The following MPPED2 variants were observed in gnomAD, a reference collection of about 807,000 sequenced individuals.
The protein encoded by MPPED2 is metallophosphoesterase domain containing 2.
MPPED2 carries 5 observed loss-of-function variants against 33.0 expected under a neutral mutation model. That is an observed-to-expected ratio of 0.15 (90% confidence interval 0.08 to 0.32). The LOEUF (loss-of-function observed/expected upper bound fraction) is 0.32, where lower values mean the gene tolerates loss of function less well. Among genes scored for constraint, MPPED2 ranks in the 10% least tolerant of loss-of-function variants. MPPED2 has a pLI of 1.00. For missense variants in MPPED2, 275 were observed against 372.1 expected, an observed-to-expected ratio of 0.74 and a Z score of 2.15; for synonymous variants, 136 against 141.9, an observed-to-expected ratio of 0.96 and a Z score of 0.29.
At chr11:30,549,495 A>C (rs1955596729) in intron 2 of MPPED2, among the ~76,000 whole-genome samples, 1 of 152,180 alleles carries the variant, frequency 6.6e-6, no homozygotes, top group South Asian at 2.1e-4. Context: ...TAAAAGGCCC[A>C]CTATCTATAC....
intron 6 of MPPED2, among the ~76,000 whole-genome samples, chr11:30,413,239 T>C (rs562721947): frequency 6.6e-6 from 1 of 152,382 alleles, no homozygotes; most frequent in African/African-American, 2.4e-5. Flanking sequence ...CTTTGTTTTT[T>C]GCTTCCTCAG....
At chr11:30,563,881 C>T (rs1421378704) in intron 2 of MPPED2, among the ~76,000 whole-genome samples, 3 of 152,116 alleles carry the variant, frequency 2.0e-5, no homozygotes, top group Admixed American at 6.5e-5. Context: ...CTTATAGGAG[C>T]GAATGTACAT....
Position 30,388,769 on chromosome 11 carries a change from A to G in MPPED2, c.*120T>C, listed in dbSNP as rs1947733427. 4 of 1,280,032 alleles carry G rather than the reference A, an allele frequency of 3.1e-6. No homozygotes were observed. In the Admixed American group the frequency reaches 1.2e-4, roughly 40 times the overall value. The allele number at this position is 1,280,032 out of a possible 1,614,324, so 79.3% of individuals were successfully genotyped here. ...TGCCTTCTTTGTCTTCACCAAGGAG[A>G]GGCATCTTCCTTCCTTCCTGTGTGC... On this transcript the variant is annotated 3_prime_UTR_variant, in exon 7 of 7. Transcript: ENST00000448418.
intron 1 of MPPED2, chr11:30,584,376 A>ACACACACACACACCCC (rs1309532203): frequency 1.4e-5 from 1 of 72,832 alleles, no homozygotes; most frequent in African/African-American, 3.8e-5. Flanking sequence ...ACACACACAC[A>ACACACACACACACCCC]CCACATACAC....
At chr11:30,534,033 A>G (rs1954679171) in intron 3 of MPPED2, among the ~76,000 whole-genome samples, 1 of 152,080 alleles carries the variant, frequency 6.6e-6, no homozygotes, top group Admixed American at 6.5e-5. Context: ...AGCAGCAATC[A>G]TTTACTGATT....
chr11:30,424,037 C>T lies in MPPED2; in HGVS notation c.537-6404G>A, dbSNP rs114069212. On this transcript the variant is annotated intron_variant, in intron 4 of 6. Transcript: ENST00000358117. ...GAAGTTTTTCAGAAAGCCATTCGCT[C>T]ACTCGCTCACTTGCTCGCTCCCTCA... Among the ~76,000 whole-genome samples, 149 of 152,308 alleles carry T rather than the reference C, an allele frequency of 9.8e-4. 1 individual carries two copies. The highest frequency in any genetic ancestry group is 3.4e-3 in the African/African-American group (141 of 41,574).
chr11:30,408,116 G>GA (rs1347732319), downstream of MPPED2, among the ~76,000 whole-genome samples: 1 of 152,164 alleles, frequency 6.6e-6, no homozygotes, highest in Admixed American at 6.5e-5. Context: ...CCCAGGCAAA[G>GA]AAATCAGCAC....
At position 30,495,470 on chromosome 11, in the gene MPPED2, G is replaced by A; in HGVS notation, c.362C>T (p.Thr121Ile). The A allele has an allele frequency of 6.2e-7, 1 of 1,614,112 alleles. No individual in the cohort carries two copies. Among genetic ancestry groups the A allele is most frequent in the East Asian group, 2.2e-5 (1 of 44,864 alleles). Reference sequence around the variant, plus strand: ...GTCTGCCATGAATTCCTTATCAAATGTCAGTTCATGATTCCCAGCAATCAC... The same window carrying A: ...GTCTGCCATGAATTCCTTATCAAATATCAGTTCATGATTCCCAGCAATCAC... ...KIVIAGNHELTFDKEFMADLV... is the reference protein window; with the variant it reads ...KIVIAGNHELIFDKEFMADLV... The change falls in exon 4 of 7, where the codon ACA becomes ATA. Residue 121 changes from threonine to isoleucine, a missense_variant. Physicochemically the swap from Thr to Ile is moderately conservative, Grantham distance 89. Coordinates refer to ENST00000358117, the MANE Select transcript of MPPED2 (RefSeq NM_001584.3).
intron 4 of MPPED2, among the ~76,000 whole-genome samples, chr11:30,418,269 G>A (rs972446558): frequency 1.1e-4 from 17 of 152,178 alleles, no homozygotes; most frequent in Non-Finnish European, 2.5e-4. Context: ...GGGAAGATTT[G>A]GGGACATCCC....
At chr11:30,469,885 C>T (rs1006077992) in intron 4 of MPPED2, among the ~76,000 whole-genome samples, 2 of 152,120 alleles carry the variant, frequency 1.3e-5, no homozygotes, top group Admixed American at 1.3e-4. Context: ...AAGAATTCTT[C>T]AAGGAAAGCA....
At chr11:30,452,115 C>A in intron 4 of MPPED2, 10 of 984,952 alleles carry the variant, frequency 1.0e-5, no homozygotes, top group Non-Finnish European at 1.2e-5. Context: ...CAGATTATTT[C>A]TCTTCTCTAC....
intron 1 of MPPED2, chr11:30,584,665 C>A (rs1247993709): frequency 6.6e-6 from 1 of 152,620 alleles, no homozygotes; most frequent in Non-Finnish European, 1.5e-5. Context: ...GCATCACAGC[C>A]CCACGTCCCC....
At chr11:30,408,850 G>A (rs1032798977), downstream of MPPED2, among the ~76,000 whole-genome samples, 106 of 152,182 alleles carry the variant, frequency 7.0e-4, no homozygotes, top group African/African-American at 2.3e-3. Context: ...GGTGATGGAC[G>A]GATAGGAAGT....
chr11:30,506,735 C>CT (rs1799903487), intron 3 of MPPED2, among the ~76,000 whole-genome samples: 1 of 152,176 alleles, frequency 6.6e-6, no homozygotes, highest in South Asian at 2.1e-4. Flanking sequence ...ATTTTAGAGG[C>CT]TTTTTAAATT....
chr11:30,520,768 T>A (rs1953828516), intron 3 of MPPED2, among the ~76,000 whole-genome samples: 1 of 152,190 alleles, frequency 6.6e-6, no homozygotes, highest in Non-Finnish European at 1.5e-5. Context: ...GAGAATTTTA[T>A]GATGTTCCAG....
At chr11:30,437,466 A>C (rs973319871) in intron 4 of MPPED2, among the ~76,000 whole-genome samples, 2 of 152,192 alleles carry the variant, frequency 1.3e-5, no homozygotes, top group African/African-American at 4.8e-5. Flanking sequence ...ATGGCAAAGA[A>C]GACTTGGAAG....
chr11:30,447,121 G>A (rs1949847585), intron 4 of MPPED2, among the ~76,000 whole-genome samples: 2 of 152,172 alleles, frequency 1.3e-5, no homozygotes, highest in Admixed American at 6.5e-5. Flanking sequence ...GTAGACAGGC[G>A]GCTGTTTGTC....
At chr11:30,584,322 TG>T (rs1427839321) in intron 1 of MPPED2, 3 of 133,268 alleles carry the variant, frequency 2.3e-5, no homozygotes, top group African/African-American at 6.0e-5. Context: ...CGAGGCGGGG[TG>T]GGGGGTGCTT....
At chr11:30,568,507 T>A (rs1223467282) in intron 2 of MPPED2, among the ~76,000 whole-genome samples, 4 of 152,288 alleles carry the variant, frequency 2.6e-5, no homozygotes, top group Non-Finnish European at 1.5e-5. Context: ...CGACCCTTCC[T>A]GCAGAGTGTG....
Sources: allele counts gnomAD v4.1 joint callset (sites outside exome capture counted in the v4.1 genomes callset), GRCh38; gene constraint gnomAD v4.1.1; transcripts MANE v1.5; gene names NCBI Gene and HGNC (gene_info 2026-07-23, HGNC 2026-07-21).